ABAT: variants seen among roughly 807,000 people sequenced by gnomAD.
ABAT encodes the protein 4-aminobutyrate aminotransferase, mitochondrial.
ABAT carries 45 observed loss-of-function variants against 64.6 expected under a neutral mutation model. That is an observed-to-expected ratio of 0.70 (90% CI 0.55 to 0.89). The LOEUF (loss-of-function observed/expected upper bound fraction) is 0.89, where lower values mean the gene tolerates loss of function less well. Among genes scored for constraint, ABAT ranks in the 40% least tolerant of loss-of-function variants. ABAT has a pLI of 0.00. For synonymous variants in ABAT, 297 were observed against 250.5 expected (o/e 1.19, Z -1.75); for missense variants, 633 against 658.4 (o/e 0.96, Z 0.42).
intron 1 of ABAT, among the ~76,000 whole-genome samples, chr16:8,692,773 C>T (rs1386804405): frequency 1.3e-5 from 2 of 152,214 alleles, no homozygotes; most frequent in Non-Finnish European, 2.9e-5. Flanking sequence ...GGGGGTTCGG[C>T]TACCTGGCTG....
chr16:8,775,117 C>T (rs1567316829), intron 13 of ABAT, 60 bp downstream of exon 13: 22 of 1,604,198 alleles, frequency 1.4e-5, no homozygotes, highest in Non-Finnish European at 1.8e-5. Flanking sequence ...TCCTCTTCTC[C>T]TAACTGTTCC....
At chr16:8,738,020 A>AAG (rs1567295858) in intron 2 of ABAT, among the ~76,000 whole-genome samples, 3 of 126,454 alleles carry the variant, frequency 2.4e-5, no homozygotes, top group East Asian at 5.1e-4. Context: ...AAGAAAGGAA[A>AAG]GAAAGAAAGA....
chr16:8,771,871 C>G (rs1237885475), intron 11 of ABAT, among the ~76,000 whole-genome samples: 2 of 151,622 alleles, frequency 1.3e-5, no homozygotes, highest in African/African-American at 4.9e-5. Flanking sequence ...TTCAAGGGGT[C>G]CTCCCACCTC....
At position 8,714,316 on chromosome 16, in the gene ABAT, A is replaced by G. The variant is rs190448566; in HGVS notation, c.-41-21383A>G. On this transcript the variant is annotated intron_variant, in intron 1 of 15. Transcript: ENST00000268251. ...TTCGTTCTAAGGACAAGAACAGCACAAACACACACACCCCTTTCTCTTTGA... is the reference window on the plus strand; with the variant it reads ...TTCGTTCTAAGGACAAGAACAGCACGAACACACACACCCCTTTCTCTTTGA... Among the ~76,000 whole-genome samples, 679 of 152,310 alleles carry G rather than the reference A, an allele frequency of 4.5e-3. 6 individuals are homozygous for G. The highest frequency in any genetic ancestry group is 0.016 in the African/African-American group (657 of 41,574).
chr16:8,752,323 T>C (rs188588018), intron 5 of ABAT, among the ~76,000 whole-genome samples: 247 of 152,306 alleles, frequency 1.6e-3, no homozygotes, highest in Non-Finnish European at 2.9e-3. Flanking sequence ...GCTCTTGAGT[T>C]GTCCTGGGTT....
Position 8,750,965 on chromosome 16 carries a change from T to TC in ABAT, c.316+428dup, listed in dbSNP as rs1481821948. ...CTGCTTTTTTTTTTTTTTTTTTTTTTCCAGACGAAGTCTTGTTCTGTCGAC... is the reference window on the plus strand; with the variant it reads ...CTGCTTTTTTTTTTTTTTTTTTTTTTCCCAGACGAAGTCTTGTTCTGTCGAC... On this transcript the variant is annotated intron_variant, in intron 5 of 15. Coordinates refer to ENST00000268251, the MANE Select transcript of ABAT (RefSeq NM_020686.6). Among the ~76,000 whole-genome samples, 509 of 141,888 alleles carry TC rather than the reference T, an allele frequency of 3.6e-3. 2 individuals are homozygous for TC. Among genetic ancestry groups the TC allele is most frequent in the Middle Eastern group, 7.3e-3 (2 of 274 alleles). The allele number at this position is 141,888 out of a possible 152,430, so 93.1% of individuals were successfully genotyped here.
intron 1 of ABAT, among the ~76,000 whole-genome samples, chr16:8,716,973 G>T (rs2058232212): frequency 6.6e-6 from 1 of 152,078 alleles, no homozygotes; most frequent in South Asian, 2.1e-4. Context: ...ATCCGAAAAA[G>T]AAATGCAAAA....
chr16:8,712,006 G>GC (rs1041947540), intron 1 of ABAT, among the ~76,000 whole-genome samples: 6 of 16,518 alleles, frequency 3.6e-4, no homozygotes, highest in South Asian at 3.3e-3. Flanking sequence ...TTGGGAGGTC[G>GC]GGGGGGAGGG....
chr16:8,769,588 G>C (rs1256465560), intron 11 of ABAT, among the ~76,000 whole-genome samples: 4 of 150,534 alleles, frequency 2.7e-5, no homozygotes, highest in Admixed American at 6.6e-5. Context: ...AAGAGAGAGA[G>C]AGAAAGAAAG....
At chr16:8,741,468 T>C (rs1408404641) in intron 2 of ABAT, among the ~76,000 whole-genome samples, 1 of 152,242 alleles carries the variant, frequency 6.6e-6, no homozygotes, top group Non-Finnish European at 1.5e-5. Context: ...CTCAGCGTCT[T>C]CTTCTGTAAT....
intron 1 of ABAT, among the ~76,000 whole-genome samples, chr16:8,703,459 CAAAA>C (rs796731112): frequency 7.2e-6 from 1 of 138,064 alleles, no homozygotes; most frequent in African/African-American, 2.7e-5. Context: ...GACTCTGTCT[CAAAA>C]AAAAAAACCA....
intron 1 of ABAT, among the ~76,000 whole-genome samples, chr16:8,727,482 C>T (rs1194364338): frequency 6.6e-6 from 1 of 152,174 alleles, no homozygotes; most frequent in East Asian, 1.9e-4. Flanking sequence ...CAACACCTCC[C>T]TGACATTGTC....
At chr16:8,768,464 A>G (rs1215145556) in intron 10 of ABAT, among the ~76,000 whole-genome samples, 1 of 152,208 alleles carries the variant, frequency 6.6e-6, no homozygotes, top group Admixed American at 6.5e-5. Context: ...ATTCAGTGAC[A>G]GAGCCGGGAC....
chr16:8,677,259 G>A (rs1347447857), intron 1 of ABAT, among the ~76,000 whole-genome samples: 1 of 152,234 alleles, frequency 6.6e-6, no homozygotes, highest in Admixed American at 6.5e-5. Context: ...ATCATGAAGT[G>A]GGGAGGTGCT....
chr16:8,694,947 C>G (rs2057668691), intron 1 of ABAT, among the ~76,000 whole-genome samples: 1 of 152,216 alleles, frequency 6.6e-6, no homozygotes. Context: ...TACACTCTGC[C>G]TTCCCCGACT....
chr16:8,778,300 G>A (rs2060325572), intron 14 of ABAT, among the ~76,000 whole-genome samples: 1 of 152,166 alleles, frequency 6.6e-6, no homozygotes, highest in African/African-American at 2.4e-5. Context: ...TTTCAGCAGA[G>A]TTGGCTCCTT....
chr16:8,774,782 GC>G, intron 12 of ABAT, 107 bp from the exon 13 acceptor site: 1 of 1,377,272 alleles, frequency 7.3e-7, no homozygotes, highest in South Asian at 1.2e-5. Context: ...CAGAAAACAA[GC>G]ACGATGTGTG....
At chr16:8,678,569 C>T (rs1172919898) in intron 1 of ABAT, among the ~76,000 whole-genome samples, 2 of 152,214 alleles carry the variant, frequency 1.3e-5, no homozygotes, top group Non-Finnish European at 2.9e-5. Context: ...CAACTGAGTT[C>T]TGGGCCTTCT....
chr16:8,698,290 C>G (rs971383329), intron 1 of ABAT, among the ~76,000 whole-genome samples: 1 of 151,828 alleles, frequency 6.6e-6, no homozygotes, highest in Non-Finnish European at 1.5e-5. Context: ...TGTTTATCTG[C>G]TCATATGCTC....
Sources: gnomAD v4.1 joint callset for allele counts (sites outside exome capture counted in the v4.1 genomes callset) on GRCh38, gnomAD v4.1.1 for gene constraint, MANE v1.5 for transcripts, NCBI Gene and HGNC (gene_info 2026-07-23, HGNC 2026-07-21) for gene names.